Variants in R3HDM1 observed in about 807,000 individuals in gnomAD.
The protein encoded by R3HDM1 is R3H domain containing 1.
In R3HDM1, 46 loss-of-function variants were observed where a neutral mutation model predicts 141.1. The observed-to-expected ratio is 0.33, with a 90% CI of 0.26 to 0.42. The LOEUF (loss-of-function observed/expected upper bound fraction) is 0.42, where lower values mean the gene tolerates loss of function less well. Ranked by LOEUF, R3HDM1 falls within the 10% of genes least tolerant of loss-of-function variation. The pLI is 1.00. For missense variants in R3HDM1, 1,184 were observed against 1,368.3 expected, an observed-to-expected ratio of 0.87 and a Z score of 2.12; for synonymous variants, 435 against 472.9, an observed-to-expected ratio of 0.92 and a Z score of 1.04.
At chr2:135,533,503 C>T (rs190721177) in intron 1 of R3HDM1, among the ~76,000 whole-genome samples, 1 of 152,316 alleles carries the variant, frequency 6.6e-6, no homozygotes, top group African/African-American at 2.4e-5. Context: ...TGTTGGATCC[C>T]TCCATGAACC....
chr2:135,575,888 T>G (rs1011474930), intron 1 of R3HDM1, among the ~76,000 whole-genome samples: 4 of 152,194 alleles, frequency 2.6e-5, no homozygotes, highest in African/African-American at 7.2e-5. Flanking sequence ...GTTAGACAAG[T>G]TGATACTAAG....
chr2:135,582,032 C>T (rs896306868), intron 1 of R3HDM1, among the ~76,000 whole-genome samples: 2 of 152,154 alleles, frequency 1.3e-5, no homozygotes, highest in Non-Finnish European at 2.9e-5. Flanking sequence ...TTTATTCCCT[C>T]CTTTTAAAAA....
At chr2:135,699,039 A>ATAGG (rs145057781) in intron 21 of R3HDM1, among the ~76,000 whole-genome samples, 1 of 112,316 alleles carries the variant, frequency 8.9e-6, no homozygotes, top group Non-Finnish European at 2.1e-5. Flanking sequence ...AGATAGATAG[A>ATAGG]TAGATAAGAT....
At chr2:135,539,469 A>G (rs1009300480) in intron 1 of R3HDM1, among the ~76,000 whole-genome samples, 2 of 152,192 alleles carry the variant, frequency 1.3e-5, no homozygotes, top group East Asian at 1.9e-4. Flanking sequence ...TATGCAGTCC[A>G]TTGTTGACTG....
intron 17 of R3HDM1, chr2:135,651,061 G>A (rs1160961300): frequency 3.0e-6 from 3 of 985,182 alleles, no homozygotes; most frequent in African/African-American, 3.5e-5. Context: ...CATAACCCTT[G>A]TCTTGGTAGG....
chr2:135,556,019 TG>T (rs967518740), intron 1 of R3HDM1, among the ~76,000 whole-genome samples: 5 of 150,592 alleles, frequency 3.3e-5, no homozygotes, highest in African/African-American at 1.2e-4. Context: ...CTGTCCCAAG[TG>T]GGGGGATGGG....
chr2:135,644,484 C>T (rs1364474238), intron 15 of R3HDM1, among the ~76,000 whole-genome samples: 1 of 151,782 alleles, frequency 6.6e-6, no homozygotes, highest in East Asian at 1.9e-4. Context: ...CAGCCTGGGC[C>T]GGGCAACAGA....
intron 21 of R3HDM1, among the ~76,000 whole-genome samples, chr2:135,694,644 T>C (rs1276627100): frequency 6.6e-6 from 1 of 152,148 alleles, no homozygotes; most frequent in African/African-American, 2.4e-5. Context: ...ACAAGAATGT[T>C]TCCCAGACAC....
At chr2:135,622,001 A>G (rs978373065) in intron 6 of R3HDM1, 1 of 983,788 alleles carries the variant, frequency 1.0e-6, no homozygotes, top group African/African-American at 1.7e-5. Flanking sequence ...CAGAGTGTTT[A>G]TTTTTTATAA....
intron 21 of R3HDM1, among the ~76,000 whole-genome samples, chr2:135,691,075 C>T (rs1017565350): frequency 1.3e-5 from 2 of 152,176 alleles, no homozygotes; most frequent in Non-Finnish European, 2.9e-5. Context: ...AGTCTTTCCT[C>T]TATGTACCTT....
intron 1 of R3HDM1, among the ~76,000 whole-genome samples, chr2:135,565,478 C>G (rs1702578606): frequency 6.6e-6 from 1 of 151,524 alleles, no homozygotes; most frequent in East Asian, 1.9e-4. Context: ...AGGCACGTGC[C>G]ATTGCATCTA....
chr2:135,623,578 G>C (rs1285361925), intron 7 of R3HDM1, among the ~76,000 whole-genome samples: 1 of 152,114 alleles, frequency 6.6e-6, no homozygotes, highest in African/African-American at 2.4e-5. Flanking sequence ...AAAATGAAGT[G>C]GTCTCTATAA....
chr2:135,658,210 G>A (rs2066181184), intron 18 of R3HDM1, among the ~76,000 whole-genome samples: 1 of 152,142 alleles, frequency 6.6e-6, no homozygotes, highest in South Asian at 2.1e-4. Context: ...TCTGCCGCCA[G>A]GCTGGAGTTC....
chr2:135,580,095 C>T (rs921615857), intron 1 of R3HDM1, among the ~76,000 whole-genome samples: 40 of 152,078 alleles, frequency 2.6e-4, no homozygotes, highest in African/African-American at 9.2e-4. Flanking sequence ...CCTGTCTCTA[C>T]AAAAACTAGC....
chr2:135,560,294 A>G (rs1023358926), intron 1 of R3HDM1, among the ~76,000 whole-genome samples: 1 of 152,208 alleles, frequency 6.6e-6, no homozygotes, highest in Non-Finnish European at 1.5e-5. Context: ...TAACTCAAAC[A>G]TGAAGCATTT....
intron 19 of R3HDM1, among the ~76,000 whole-genome samples, chr2:135,666,574 T>A (rs1251103010): frequency 1.3e-5 from 2 of 152,238 alleles, no homozygotes; most frequent in Non-Finnish European, 2.9e-5. Context: ...ACCCACAGAT[T>A]TCCTTGAGTT....
chr2:135,542,580 G>C (rs1697832158), intron 1 of R3HDM1, among the ~76,000 whole-genome samples: 1 of 152,060 alleles, frequency 6.6e-6, no homozygotes, highest in Admixed American at 6.6e-5. Context: ...ATATGGTTTT[G>C]TCAAGAGGCA....
intron 9 of R3HDM1, among the ~76,000 whole-genome samples, chr2:135,635,459 T>C (rs920495656): frequency 6.6e-6 from 1 of 152,236 alleles, no homozygotes; most frequent in Non-Finnish European, 1.5e-5. Flanking sequence ...TTTATATCAG[T>C]AACTAACTTC....
At chr2:135,574,157 A>G (rs1230516539) in intron 1 of R3HDM1, among the ~76,000 whole-genome samples, 1 of 152,210 alleles carries the variant, frequency 6.6e-6, no homozygotes, top group Non-Finnish European at 1.5e-5. Context: ...ATAGATATGC[A>G]AAATAAGATA....
Sources: allele counts gnomAD v4.1 joint callset (sites outside exome capture counted in the v4.1 genomes callset), GRCh38; gene constraint gnomAD v4.1.1; transcripts MANE v1.5; gene names NCBI Gene and HGNC (gene_info 2026-07-23, HGNC 2026-07-21).